Variants in PCDH15 observed in about 807,000 individuals in gnomAD.
PCDH15 encodes protocadherin related 15.
PCDH15 carries 129 observed loss-of-function variants against 178.5 expected under a neutral mutation model. The observed-to-expected ratio is 0.72, with a 90% CI of 0.63 to 0.84. The LOEUF (loss-of-function observed/expected upper bound fraction) is 0.84. PCDH15 is among the 40% of genes least tolerant of loss of function. PCDH15 has a pLI of 0.00. For missense variants in PCDH15, 2,230 were observed against 2,099.9 expected, an observed-to-expected ratio of 1.06 and a Z score of -1.21; for synonymous variants, 800 against 732.0, an observed-to-expected ratio of 1.09 and a Z score of -1.50.
intron 8 of PCDH15, among the ~76,000 whole-genome samples, chr10:54,255,141 C>CT (rs763367257): frequency 1.5e-3 from 231 of 152,266 alleles, no homozygotes; most frequent in Non-Finnish European, 2.9e-3. Context: ...ACATGTCAGA[C>CT]TTTTTTTATG....
At chr10:54,115,835 C>T (rs1172164242) in intron 15 of PCDH15, among the ~76,000 whole-genome samples, 1 of 152,002 alleles carries the variant, frequency 6.6e-6, no homozygotes, top group Admixed American at 6.5e-5. Flanking sequence ...CTTTAGTAAC[C>T]AAAGGGAAAT....
At chr10:54,397,161 A>C (rs1268754770) in intron 3 of PCDH15, among the ~76,000 whole-genome samples, 1 of 151,918 alleles carries the variant, frequency 6.6e-6, no homozygotes, top group African/African-American at 2.4e-5. Flanking sequence ...ACTTCAGAAA[A>C]TTTTCCATTG....
At chr10:54,813,764 AAAAGATTTCTGATT>A (rs1227993056) in intron 3 of PCDH15, among the ~76,000 whole-genome samples, 1 of 152,186 alleles carries the variant, frequency 6.6e-6, no homozygotes, top group Non-Finnish European at 1.5e-5. Context: ...TGACATGTGA[AAAAGATTTCTGATT>A]AAGTCACATC....
At chr10:55,189,045 A>G (rs1839874169) in intron 1 of PCDH15, among the ~76,000 whole-genome samples, 1 of 151,856 alleles carries the variant, frequency 6.6e-6, no homozygotes, top group South Asian at 2.1e-4. Flanking sequence ...GTAGTAGTAA[A>G]CTGATCATCA....
At chr10:55,456,064 A>C (rs531970602) in intron 2 of PCDH15, among the ~76,000 whole-genome samples, 2 of 152,274 alleles carry the variant, frequency 1.3e-5, no homozygotes, top group African/African-American at 4.8e-5. Context: ...GTGATAGGGC[A>C]TATGCCAGTT....
chr10:54,929,269 G>A (rs929392653), intron 2 of PCDH15, among the ~76,000 whole-genome samples: 1 of 152,070 alleles, frequency 6.6e-6, no homozygotes, highest in Non-Finnish European at 1.5e-5. Context: ...TTTGTCATCT[G>A]CCTACTCAAT....
intron 35 of PCDH15, among the ~76,000 whole-genome samples, chr10:53,814,949 C>G (rs1024378460): frequency 7.7e-6 from 1 of 129,456 alleles, no homozygotes; most frequent in African/African-American, 3.0e-5. Flanking sequence ...GGCGATGGAA[C>G]AAGAATCTGT....
rs528736121 is a variant in PCDH15 at position 54,238,677 on chromosome 10, T to A, written c.877-1746A>T. ...CATGCTGCCTCTCTCTCTCTCTCTC[T>A]CACACACACACACACACACACACAC... is the stretch of plus-strand genomic sequence containing the variant. On this transcript the variant is annotated intron_variant, in intron 8 of 37. Transcript: ENST00000644397. Among the ~76,000 whole-genome samples, 539 of 144,336 alleles carry A rather than the reference T, an allele frequency of 3.7e-3. 1 individual carries two copies. The highest frequency in any genetic ancestry group is 0.013 in the African/African-American group (501 of 37,312). The allele number at this position is 144,336 out of a possible 152,430, so 94.7% of individuals were successfully genotyped here.
chr10:54,925,282 G>C (rs1270835013), intron 2 of PCDH15, among the ~76,000 whole-genome samples: 1 of 151,988 alleles, frequency 6.6e-6, no homozygotes, highest in African/African-American at 2.4e-5. Flanking sequence ...CTGGGTTCTC[G>C]ATTCTGTTCC....
intron 2 of PCDH15, among the ~76,000 whole-genome samples, chr10:55,498,069 C>T (rs1228881997): frequency 6.6e-6 from 1 of 151,786 alleles, no homozygotes; most frequent in East Asian, 1.9e-4. Context: ...TCCAAAGATT[C>T]CATGTTCCTT....
intron 8 of PCDH15, among the ~76,000 whole-genome samples, chr10:54,294,081 A>G (rs1036463651): frequency 3.3e-5 from 5 of 152,204 alleles, no homozygotes; most frequent in African/African-American, 7.2e-5. Context: ...ATGTCCAACA[A>G]TGATAGACTG....
intron 25 of PCDH15, among the ~76,000 whole-genome samples, chr10:53,909,348 C>A (rs564941267): frequency 6.6e-6 from 1 of 152,234 alleles, no homozygotes; most frequent in South Asian, 2.1e-4. Context: ...TCGGTTATTT[C>A]TTTATACCAG....
chr10:54,058,013 A>G (rs879291833), intron 18 of PCDH15, among the ~76,000 whole-genome samples: 1 of 152,108 alleles, frequency 6.6e-6, no homozygotes, highest in Non-Finnish European at 1.5e-5. Flanking sequence ...TGTCCATATC[A>G]CTATCAGCAT....
intron 2 of PCDH15, among the ~76,000 whole-genome samples, chr10:55,626,355 C>T (rs570977011): frequency 3.9e-5 from 6 of 152,106 alleles, no homozygotes; most frequent in South Asian, 4.1e-4. Flanking sequence ...ATCTACAGCA[C>T]GCATGTGTGA....
intron 3 of PCDH15, among the ~76,000 whole-genome samples, chr10:54,431,955 A>T (rs889440873): frequency 5.9e-5 from 9 of 152,024 alleles, no homozygotes; most frequent in Non-Finnish European, 1.0e-4. Flanking sequence ...TAGAAATAAA[A>T]AATTCAACAC....
At chr10:55,082,566 T>C (rs535250439) in intron 2 of PCDH15, among the ~76,000 whole-genome samples, 3 of 118,842 alleles carry the variant, frequency 2.5e-5, no homozygotes, top group South Asian at 2.7e-4. Flanking sequence ...AGAGCAGAAA[T>C]AGGTGAAATT....
At chr10:55,349,924 T>A (rs1045599870) in intron 2 of PCDH15, among the ~76,000 whole-genome samples, 1 of 151,784 alleles carries the variant, frequency 6.6e-6, no homozygotes, top group Admixed American at 6.6e-5. Flanking sequence ...GTTATCAGCT[T>A]TTTTTTACTT....
At chr10:54,220,146 A>C (rs2052618307) in intron 9 of PCDH15, among the ~76,000 whole-genome samples, 1 of 152,254 alleles carries the variant, frequency 6.6e-6, no homozygotes, top group Non-Finnish European at 1.5e-5. Flanking sequence ...AAAATGGTGA[A>C]GATAATTGAA....
intron 15 of PCDH15, among the ~76,000 whole-genome samples, chr10:54,119,200 A>T (rs953732676): frequency 1.3e-5 from 2 of 152,160 alleles, no homozygotes; most frequent in African/African-American, 4.8e-5. Flanking sequence ...GGATTGCAAA[A>T]AAATTCAATA....
Sources: allele counts gnomAD v4.1 joint callset (sites outside exome capture counted in the v4.1 genomes callset), GRCh38; gene constraint gnomAD v4.1.1; transcripts MANE v1.5; gene names NCBI Gene and HGNC (gene_info 2026-07-23, HGNC 2026-07-21).